Variants in ZBED3 observed in about 807,000 individuals in gnomAD.
The protein encoded by ZBED3 is zinc finger BED-type containing 3.
For synonymous variants in ZBED3, 175 were observed against 180.0 expected (o/e 0.97, Z 0.22); for missense variants, 388 against 362.9 (o/e 1.07, Z -0.56).
At chr5:77,086,614 C>G (rs1580151789) in intron 1 of ZBED3, 1 of 76,898 alleles carries the variant, frequency 1.3e-5, no homozygotes, top group African/African-American at 5.3e-5. Flanking sequence ...CCGAAAGGAG[C>G]GGAAAATTCT....
chr5:77,076,377 A>G lies in ZBED3; in HGVS notation c.*797T>C, dbSNP rs1391176991. 2.0e-5 allele frequency: 3 copies of G among 152,146 alleles called. No individual in the cohort carries two copies. In the East Asian group the frequency reaches 5.8e-4, roughly 30 times the overall value. 9.4% of individuals were successfully genotyped at this position (152,146 alleles called of 1,614,324 possible). On this transcript the variant is annotated 3_prime_UTR_variant, in exon 3 of 3. Transcript: ENST00000255198. ...GCCCAGAGGTGAGCACTATGACGACATGTGGGGAAGAAGCCCTCTTCCTAG... is the reference window on the plus strand; with the variant it reads ...GCCCAGAGGTGAGCACTATGACGACGTGTGGGGAAGAAGCCCTCTTCCTAG...
rs1159328230 is a variant in ZBED3 at position 77,075,944 on chromosome 5, CATAT to C, written c.*1226_*1229del. ...CCTAGAACTTAAAGTATTATATATACATATATATATATATATATATATGTATATG... is the reference window on the plus strand; with the variant it reads ...CCTAGAACTTAAAGTATTATATATACATATATATATATATATATGTATATG... On this transcript the variant is annotated 3_prime_UTR_variant, in exon 3 of 3. Coordinates refer to ENST00000255198, the MANE Select transcript of ZBED3 (RefSeq NM_032367.4). The C allele has an allele frequency of 1.5e-3, 35 of 23,458 alleles. 10 individuals carry two copies. Among genetic ancestry groups the C allele is most frequent in the African/African-American group, 4.5e-3 (27 of 6,038 alleles). 1.5% of individuals were successfully genotyped at this position (23,458 alleles called of 1,614,324 possible).
intron 1 of ZBED3, among the ~76,000 whole-genome samples, chr5:77,085,686 C>A (rs971629888): frequency 1.3e-5 from 2 of 152,212 alleles, no homozygotes; most frequent in South Asian, 4.1e-4. Context: ...ACTGAAGTGT[C>A]AAGAAAACCA....
rs527285241 is a variant in ZBED3 at position 77,073,831 on chromosome 5, T to G, written c.*3343A>C. ...TACGGAATGCAAGGCACTGTAGGAG[T>G]AGGGTGAGTATACTCCCCACAAGGG... is the stretch of plus-strand genomic sequence containing the variant. On this transcript the variant is annotated 3_prime_UTR_variant, in exon 3 of 3. Coordinates refer to ENST00000255198, the MANE Select transcript of ZBED3 (RefSeq NM_032367.4). 2.6e-5 allele frequency: 4 copies of G among 152,100 alleles called. No homozygotes were observed. Among genetic ancestry groups the G allele is most frequent in the Admixed American group, 2.6e-4 (4 of 15,284 alleles). The allele number at this position is 152,100 out of a possible 1,614,324, so 9.4% of individuals were successfully genotyped here.
rs1742992961 is a variant in ZBED3, at chr5:77,076,043, A to ATATATGTG, written c.*1130_*1131insCACATATA. ...TATGTATATATATATGTATATATGT[A>ATATATGTG]TATATATATATAATATATACACACA... On this transcript the variant is annotated 3_prime_UTR_variant, in exon 3 of 3. Transcript: ENST00000255198. 7.8e-6 allele frequency: 1 copy of ATATATGTG among 127,464 alleles called. No homozygotes were observed. Among genetic ancestry groups the ATATATGTG allele is most frequent in the Non-Finnish European group, 1.6e-5 (1 of 61,696 alleles). The allele number at this position is 127,464 out of a possible 1,614,324, so 7.9% of individuals were successfully genotyped here. A position where few individuals can be genotyped will look rare whatever the true frequency, so the allele number is the denominator to read the frequency against.
chr5:77,077,367 A>G lies in ZBED3; in HGVS notation c.512T>C (p.Leu171Pro), dbSNP rs1743035681. The G allele has an allele frequency of 6.4e-6, 8 of 1,254,802 alleles. No individual in the cohort carries two copies. The highest frequency in any genetic ancestry group is 1.0e-6 in the Non-Finnish European group (1 of 1,002,398). The allele number at this position is 1,254,802 out of a possible 1,614,324, so 77.7% of individuals were successfully genotyped here. ...ERALERRRRA[L>P]QEEERAAAQA... ...GGCCGCGGCGCGCTCTTCCTCCTGCAGCGCCCTCCGCCTCCGCTCCAGGGC... is the reference window on the plus strand; with the variant it reads ...GGCCGCGGCGCGCTCTTCCTCCTGCGGCGCCCTCCGCCTCCGCTCCAGGGC... Residue 171 changes from leucine to proline, a missense_variant, in exon 3 of 3, where the codon CTG becomes CCG. Transcript: ENST00000255198.
intron 1 of ZBED3, among the ~76,000 whole-genome samples, chr5:77,084,289 C>T (rs528673036): frequency 4.2e-4 from 64 of 152,318 alleles, no homozygotes; most frequent in Non-Finnish European, 7.5e-4. Context: ...ATAATTCCCA[C>T]GTGTTGTGGG....
chr5:77,079,656 G>A (rs1467840938), intron 1 of ZBED3, among the ~76,000 whole-genome samples: 3 of 152,106 alleles, frequency 2.0e-5, no homozygotes, highest in Non-Finnish European at 4.4e-5. Context: ...CATGTCTTCT[G>A]ATACACAGGC....
chr5:77,080,794 TGG>T (rs1175505656), intron 1 of ZBED3, among the ~76,000 whole-genome samples: 3 of 152,030 alleles, frequency 2.0e-5, no homozygotes, highest in African/African-American at 4.8e-5. Flanking sequence ...TGTCGTGGGG[TGG>T]CGTGGGAGGG....
At chr5:77,082,154 C>T (rs531605533) in intron 1 of ZBED3, among the ~76,000 whole-genome samples, 1 of 151,902 alleles carries the variant, frequency 6.6e-6, no homozygotes, top group African/African-American at 2.4e-5. Flanking sequence ...ATAATCCCAG[C>T]TACTTGGGAG....
rs1342062005 is a variant in ZBED3 at position 77,073,027 on chromosome 5, G to C, written c.*4147C>G. Reference sequence around the variant, plus strand: ...GGGGATTATATCCATGCTTTCGTTGGAGATTTTATTTTAACTAAGGATGCT... The same window carrying C: ...GGGGATTATATCCATGCTTTCGTTGCAGATTTTATTTTAACTAAGGATGCT... On this transcript the variant is annotated 3_prime_UTR_variant, in exon 3 of 3. Coordinates refer to ENST00000255198, the MANE Select transcript of ZBED3 (RefSeq NM_032367.4). 1.3e-5 allele frequency: 2 copies of C among 152,150 alleles called. No individual in the cohort carries two copies. The highest frequency in any genetic ancestry group is 4.8e-5 in the African/African-American group (2 of 41,410). 9.4% of individuals were successfully genotyped at this position (152,150 alleles called of 1,614,324 possible).
In ZBED3 at chr5:77,077,345, C is replaced by T; in HGVS notation, c.534G>A (p.Ala178=). 1.6e-6 allele frequency: 2 copies of T among 1,255,154 alleles called. No individual in the cohort carries two copies. The highest frequency in any genetic ancestry group is 3.0e-4 in the Middle Eastern group (1 of 3,308). 77.8% of individuals were successfully genotyped at this position (1,255,154 alleles called of 1,614,324 possible). The change falls in exon 3 of 3, where the codon GCG becomes GCA. Residue 178 remains alanine (A), a synonymous_variant. Transcript: ENST00000255198. ...CCTGCAGTTCCCGGCGCGCCTGGGCCGCGGCGCGCTCTTCCTCCTGCAGCG... is the reference window on the plus strand; with the variant it reads ...CCTGCAGTTCCCGGCGCGCCTGGGCTGCGGCGCGCTCTTCCTCCTGCAGCG... ...RRALQEEERA[A]AQARRELQAE...
At position 77,072,880 on chromosome 5, in the gene ZBED3, C is replaced by G. The variant is rs1402642386; in HGVS notation, c.*4294G>C. 1 of 152,070 alleles carries G rather than the reference C, an allele frequency of 6.6e-6. No individual in the cohort carries two copies. The highest frequency in any genetic ancestry group is 1.5e-5 in the Non-Finnish European group (1 of 68,026). 9.4% of individuals were successfully genotyped at this position (152,070 alleles called of 1,614,324 possible). A position where few individuals can be genotyped will look rare whatever the true frequency, so the allele number is the denominator to read the frequency against. Reference sequence around the variant, plus strand: ...TTAAGTAGGCTGGAGTCAGATGACGCGCCACAGTCACCATCTCCTGACAGT... The same window carrying G: ...TTAAGTAGGCTGGAGTCAGATGACGGGCCACAGTCACCATCTCCTGACAGT... On this transcript the variant is annotated 3_prime_UTR_variant, in exon 3 of 3. Transcript: ENST00000255198.
chr5:77,077,434 C>A lies in ZBED3; in HGVS notation c.445G>T (p.Glu149Ter). 1 of 1,220,198 alleles carries A rather than the reference C, an allele frequency of 8.2e-7. No individual in the cohort carries two copies. Among genetic ancestry groups the A allele is most frequent in the South Asian group, 2.9e-5 (1 of 34,152 alleles). 75.6% of individuals were successfully genotyped at this position (1,220,198 alleles called of 1,614,324 possible). ...LAVRGSRRER[E>*]LERRELAVEQ... is the part of the protein sequence containing the mutation. ...ACGGCCAGCTCGCGCCGCTCCAGCT[C>A]CCGCTCCCGCCGGCTGCCGCGCACG... Residue 149 changes from glutamate (E) to a stop codon, truncating the protein, a stop_gained, in exon 3 of 3, where the codon GAG becomes TAG. Coordinates refer to ENST00000255198, the MANE Select transcript of ZBED3 (RefSeq NM_032367.4). LOFTEE classifies it low-confidence loss of function (END_TRUNC).
intron 1 of ZBED3, among the ~76,000 whole-genome samples, chr5:77,079,596 A>G (rs1277995493): frequency 1.3e-5 from 2 of 152,246 alleles, no homozygotes; most frequent in Non-Finnish European, 2.9e-5. Flanking sequence ...TACCAGAATC[A>G]TCAAAAAAGA....
rs1742940335 is a variant in ZBED3 at position 77,074,702 on chromosome 5, G to A, written c.*2472C>T. 6.6e-6 allele frequency: 1 copy of A among 152,232 alleles called. No individual in the cohort carries two copies. 9.4% of individuals were successfully genotyped at this position (152,232 alleles called of 1,614,324 possible). On this transcript the variant is annotated 3_prime_UTR_variant, in exon 3 of 3. Transcript: ENST00000255198. ...ATTAGTTGGAGTTAGGAAGGAAACA[G>A]GTGTCAGCTGGGTCGACTGAAGGAA...
At chr5:77,084,659 C>A (rs1743201914) in intron 1 of ZBED3, among the ~76,000 whole-genome samples, 1 of 152,178 alleles carries the variant, frequency 6.6e-6, no homozygotes, top group Non-Finnish European at 1.5e-5. Context: ...ATAATCTCCA[C>A]TGGGGAAGGG....
rs1381229872 is a variant in ZBED3 at position 77,075,972 on chromosome 5, T to C, written c.*1202A>G. 2.9e-4 allele frequency: 7 copies of C among 24,016 alleles called. No homozygotes were observed. The highest frequency in any genetic ancestry group is 8.0e-4 in the African/African-American group (4 of 5,026). The allele number at this position is 24,016 out of a possible 1,614,324, so 1.5% of individuals were successfully genotyped here. On this transcript the variant is annotated 3_prime_UTR_variant, in exon 3 of 3. Transcript: ENST00000255198. ...ATATATATATATATATATATGTATA[T>C]GTATATATGTATATATATATGTATA...
intron 1 of ZBED3, 193 bp from the exon 2 acceptor site, chr5:77,078,921 A>G (rs889185156): frequency 9.2e-5 from 14 of 152,240 alleles, no homozygotes; most frequent in African/African-American, 3.4e-4. Flanking sequence ...GATCCCCTCT[A>G]CATATTTGCA....
Sources: gnomAD v4.1 joint callset for allele counts (sites outside exome capture counted in the v4.1 genomes callset) on GRCh38, gnomAD v4.1.1 for gene constraint, MANE v1.5 for transcripts, NCBI Gene and HGNC (gene_info 2026-07-23, HGNC 2026-07-21) for gene names.